Variants in ZSCAN25 observed in about 807,000 individuals in gnomAD.
ZSCAN25 encodes the protein zinc finger and SCAN domain containing 25.
A neutral mutation model predicts 38.7 loss-of-function variants in ZSCAN25; 27 were observed. The observed-to-expected ratio is 0.70, with a 90% CI of 0.51 to 0.96. ZSCAN25 has a LOEUF of 0.96. Ranked by LOEUF, ZSCAN25 falls within the 40% of genes least tolerant of loss-of-function variation. The probability of loss-of-function intolerance (pLI) is 0.00; values close to 1 mark genes in which losing one functional copy is unlikely to be tolerated. For synonymous variants in ZSCAN25, 273 were observed against 277.7 expected, an observed-to-expected ratio of 0.98 and a Z score of 0.17; for missense variants, 637 against 705.9, an observed-to-expected ratio of 0.90 and a Z score of 1.11.
chr7:99,672,695 G>A, the ZSCAN25 span: 6,216 of 1,613,420 alleles, frequency 3.9e-3, 183 homozygotes, highest in African/African-American at 0.066. Flanking sequence ...TGGGGACAAC[G>A]GAGCTGATTA....
At chr7:99,717,092 C>T in the ZSCAN25 span, 2 of 1,578,886 alleles carry the variant, frequency 1.3e-6, no homozygotes, top group South Asian at 1.1e-5. Flanking sequence ...ACTGGAATAA[C>T]CCAACAGCGG....
the ZSCAN25 span, chr7:99,674,734 G>A: frequency 1.3e-5 from 8 of 599,416 alleles, no homozygotes; most frequent in Non-Finnish European, 2.0e-5. Flanking sequence ...GATGTCTTAA[G>A]GGAAAGACAA....
chr7:99,715,690 A>G, the ZSCAN25 span: 1 of 1,610,130 alleles, frequency 6.2e-7, no homozygotes, highest in Non-Finnish European at 8.5e-7. Flanking sequence ...TTACATGGTG[A>G]TTTACATCTC....
the ZSCAN25 span, among the ~76,000 whole-genome samples, chr7:99,685,545 T>G: frequency 6.6e-6 from 1 of 152,358 alleles, no homozygotes; most frequent in Middle Eastern, 3.4e-3. Flanking sequence ...AAGGTTGGGA[T>G]TGCCTTTGTG....
Position 99,629,411 on chromosome 7 carries a change from C to G in ZSCAN25, c.1026C>G (p.Ser342Arg). The stretch of plus-strand genomic sequence containing the variant: ...TGCCTGACGAAGTCAAAACCCACAG[C>G]TCCTTCTGGAAGCCTTTCCAGTGCC... ...IPLPDEVKTH[S>R]SFWKPFQCPE... The change falls in exon 8 of 8, where the codon AGC (serine) becomes AGG (arginine). Residue 342 changes from serine (S) to arginine (R), a missense_variant. Ser to Arg is a moderately radical substitution (Grantham distance 110). Transcript: ENST00000394152. This position sits in a 1 kb window ranked among gnomAD's most constrained non-coding sequence, Gnocchi z 5.6. 6.2e-7 allele frequency: 1 copy of G among 1,614,246 alleles called. No homozygotes were observed. Among genetic ancestry groups the G allele is most frequent in the East Asian group, 2.2e-5 (1 of 44,882 alleles).
the ZSCAN25 span, chr7:99,674,377 C>T: frequency 3.7e-6 from 2 of 539,214 alleles, no homozygotes; most frequent in Non-Finnish European, 6.6e-6. Context: ...ATTCTACTCC[C>T]AAGTAATTAT....
the ZSCAN25 span, among the ~76,000 whole-genome samples, chr7:99,723,828 C>G: frequency 2.0e-5 from 3 of 152,174 alleles, no homozygotes; most frequent in African/African-American, 7.2e-5. Flanking sequence ...GGAGGAGATA[C>G]GTTTTATCCA....
the ZSCAN25 span, among the ~76,000 whole-genome samples, chr7:99,719,443 C>G: frequency 6.6e-6 from 1 of 152,098 alleles, no homozygotes; most frequent in South Asian, 2.1e-4. Flanking sequence ...GAACGTTGAT[C>G]TAAATCTCAT....
the ZSCAN25 span, among the ~76,000 whole-genome samples, chr7:99,678,054 G>C: frequency 6.6e-6 from 1 of 152,336 alleles, no homozygotes; most frequent in Non-Finnish European, 1.5e-5. Flanking sequence ...GTCATCTATT[G>C]CATGTAATTG....
chr7:99,633,103 A>C (rs898388373), downstream of ZSCAN25, among the ~76,000 whole-genome samples: 1 of 151,522 alleles, frequency 6.6e-6, no homozygotes, highest in Non-Finnish European at 1.5e-5. Context: ...CTCCTGCCTC[A>C]GCCTCCCAAG....
the ZSCAN25 span, among the ~76,000 whole-genome samples, chr7:99,644,604 G>T: frequency 6.6e-6 from 1 of 152,102 alleles, no homozygotes; most frequent in Non-Finnish European, 1.5e-5. Flanking sequence ...GCCTATTACT[G>T]TAATTGATAG....
the ZSCAN25 span, among the ~76,000 whole-genome samples, chr7:99,654,476 T>C: frequency 6.6e-6 from 1 of 152,252 alleles, no homozygotes; most frequent in African/African-American, 2.4e-5. Flanking sequence ...TAATCCAGTC[T>C]ATCATTATTG....
At chr7:99,626,844 G>A (rs1807511139) in intron 7 of ZSCAN25, among the ~76,000 whole-genome samples, 1 of 152,178 alleles carries the variant, frequency 6.6e-6, no homozygotes, top group African/African-American at 2.4e-5. Flanking sequence ...GGCTCAGAGA[G>A]GTTAATTGAT....
chr7:99,661,551 G>A, the ZSCAN25 span, among the ~76,000 whole-genome samples: 1 of 152,328 alleles, frequency 6.6e-6, no homozygotes, highest in East Asian at 1.9e-4. Context: ...TCTCCTGAGA[G>A]AAGCTCACGA....
the ZSCAN25 span, among the ~76,000 whole-genome samples, chr7:99,706,075 A>G: frequency 3.8e-3 from 583 of 152,312 alleles, 6 homozygotes; most frequent in African/African-American, 0.011. Flanking sequence ...CTCTCAATTG[A>G]ACCCATCTAG....
chr7:99,633,347 C>A (rs149204881), downstream of ZSCAN25, among the ~76,000 whole-genome samples: 1 of 152,134 alleles, frequency 6.6e-6, no homozygotes, highest in African/African-American at 2.4e-5. Context: ...CTGCTTCTTT[C>A]GTTAGTTCTG....
At chr7:99,715,992 A>C in the ZSCAN25 span, 1 of 1,609,994 alleles carries the variant, frequency 6.2e-7, no homozygotes, top group Non-Finnish European at 8.5e-7. Flanking sequence ...CCACATGTCC[A>C]GTCAAGACAG....
chr7:99,645,400 T>TTA, the ZSCAN25 span, among the ~76,000 whole-genome samples: 1 of 152,250 alleles, frequency 6.6e-6, no homozygotes, highest in Non-Finnish European at 1.5e-5. Context: ...TCTTTGCTAT[T>TTA]GTGAGTAGTA....
At chr7:99,687,031 A>T in the ZSCAN25 span, among the ~76,000 whole-genome samples, 9 of 152,310 alleles carry the variant, frequency 5.9e-5, no homozygotes, top group Admixed American at 1.3e-4. Flanking sequence ...GTACATCACC[A>T]TCATCAAAGA....
Sources: allele counts gnomAD v4.1 joint callset (sites outside exome capture counted in the v4.1 genomes callset), GRCh38; gene constraint gnomAD v4.1.1; non-coding constraint Gnocchi (gnomAD v3.1); transcripts MANE v1.5; gene names NCBI Gene and HGNC (gene_info 2026-07-23, HGNC 2026-07-21).